The following NHSL2 variants were observed in gnomAD, a reference collection of about 807,000 sequenced individuals.
NHSL2 encodes the protein NHS-like protein 2.
A neutral mutation model predicts 53.4 loss-of-function variants in NHSL2; 27 were observed. The observed-to-expected ratio is 0.51, with a 90% CI of 0.37 to 0.70. The LOEUF is 0.70. Ranked by LOEUF, NHSL2 falls within the 30% of genes least tolerant of loss-of-function variation. The pLI, the probability that NHSL2 is intolerant of heterozygous loss-of-function variation, is 0.00. For missense variants in NHSL2, 892 were observed against 980.1 expected (o/e 0.91, Z 1.20); for synonymous variants, 408 against 404.1 (o/e 1.01, Z -0.12).
chrX:71,988,774 C>A (rs1458526792), intron 1 of NHSL2, among the ~76,000 whole-genome samples: 1 of 111,267 alleles, frequency 9.0e-6, no homozygotes, highest in African/African-American at 3.3e-5. Context: ...AGAGAGAGTT[C>A]TTGGATCTCG....
At chrX:72,094,313 G>A (rs1225146850) in intron 1 of NHSL2, among the ~76,000 whole-genome samples, 4 of 111,352 alleles carry the variant, frequency 3.6e-5, no homozygotes, top group Non-Finnish European at 7.5e-5. Context: ...ACAATTTGAT[G>A]CAATTTATAC....
chrX:71,939,628 T>G (rs764057407), intron 1 of NHSL2, among the ~76,000 whole-genome samples: 1 of 111,961 alleles, frequency 8.9e-6, no homozygotes, highest in African/African-American at 3.2e-5. Context: ...CCTGTCTGGA[T>G]TTTGAATTCC....
At chrX:72,053,017 T>G (rs2042349574) in intron 1 of NHSL2, among the ~76,000 whole-genome samples, 1 of 112,380 alleles carries the variant, frequency 8.9e-6, no homozygotes, top group Non-Finnish European at 1.9e-5. Flanking sequence ...GTGGAAACAT[T>G]TCCTGCTCTT....
At chrX:72,090,360 C>T (rs765478261) in intron 1 of NHSL2, among the ~76,000 whole-genome samples, 22 of 111,626 alleles carry the variant, frequency 2.0e-4, no homozygotes, top group Non-Finnish European at 3.0e-4. Context: ...CCACCGTGCC[C>T]GGCCGTATCT....
At chrX:72,131,972 C>A (rs973097745) in intron 1 of NHSL2, 107 bp from the exon 2 acceptor site, 24 of 777,683 alleles carry the variant, frequency 3.1e-5, no homozygotes, top group Non-Finnish European at 4.3e-5. Flanking sequence ...GCACTCCCCC[C>A]ACCCCACGCA....
rs770779535 is a variant in NHSL2 at position 72,119,779 on chromosome X, T to C, written c.281-12300T>C. 2.7e-5 allele frequency among the ~76,000 whole-genome samples: 3 copies of C among 112,221 alleles called. No individual in the cohort carries two copies. The South Asian group carries it at 1.1e-3, about 41-fold the overall frequency. On this transcript the variant is annotated intron_variant, in intron 1 of 7. Transcript: ENST00000633930. ...ACTGTTCTAGCTAGAACCTCCAGTATAATGTTGAACAGAAGTAGGGAAAGT... is the reference window on the plus strand; with the variant it reads ...ACTGTTCTAGCTAGAACCTCCAGTACAATGTTGAACAGAAGTAGGGAAAGT...
intron 1 of NHSL2, among the ~76,000 whole-genome samples, chrX:72,086,132 G>C (rs2041841295): frequency 9.0e-6 from 1 of 111,701 alleles, no homozygotes; most frequent in African/African-American, 3.3e-5. Flanking sequence ...GTGTTCCAGA[G>C]GAGAAAGATG....
intron 1 of NHSL2, among the ~76,000 whole-genome samples, chrX:72,055,022 G>A (rs2042360831): frequency 9.0e-6 from 1 of 111,606 alleles, no homozygotes; most frequent in African/African-American, 3.3e-5. Flanking sequence ...CCCGTCTCCC[G>A]CTTCCTAACC....
In NHSL2 at chrX:71,930,628, A is replaced by G. The variant is rs7052183; in HGVS notation, c.280+19261A>G. ...TGCCCATTTTGGAAATTTCGTATTA[A>G]TGGAGTCATATAATATGTAGTCTTT... On this transcript the variant is annotated intron_variant, in intron 1 of 7. Coordinates refer to ENST00000633930, the MANE Select transcript of NHSL2 (RefSeq NM_001013627.3). Among the ~76,000 whole-genome samples the G allele has an allele frequency of 2.6e-3, 288 of 112,410 alleles. 1 individual carries two copies. Among genetic ancestry groups the G allele is most frequent in the African/African-American group, 8.2e-3 (254 of 30,957 alleles).
At chrX:72,130,447 C>T (rs755935647) in intron 1 of NHSL2, 7 of 1,205,428 alleles carry the variant, frequency 5.8e-6, no homozygotes, top group South Asian at 5.3e-5. Context: ...AGCCCTCATG[C>T]GCTTCCTCTG....
At chrX:72,039,472 G>A (rs747877329) in intron 1 of NHSL2, among the ~76,000 whole-genome samples, 35 of 111,684 alleles carry the variant, frequency 3.1e-4, no homozygotes, top group South Asian at 3.0e-3. Context: ...TGAAGCATTT[G>A]AGAAAGTCTA....
chrX:71,977,750 A>G (rs983342211), intron 1 of NHSL2, among the ~76,000 whole-genome samples: 14 of 111,873 alleles, frequency 1.3e-4, no homozygotes, highest in Admixed American at 3.8e-4. Flanking sequence ...AAAAACCAAG[A>G]CCATGGCCGC....
At chrX:72,120,212 C>T (rs763504490) in intron 1 of NHSL2, among the ~76,000 whole-genome samples, 20 of 111,985 alleles carry the variant, frequency 1.8e-4, no homozygotes, top group Non-Finnish European at 3.0e-4. Flanking sequence ...TAATACAGGC[C>T]TCATAGAATG....
At chrX:72,134,428 C>A in intron 3 of NHSL2, 81 bp from the exon 4 acceptor site, 1 of 917,234 alleles carries the variant, frequency 1.1e-6, no homozygotes, top group Non-Finnish European at 1.5e-6. Context: ...CTCCAACTAC[C>A]CAGCCTAAAC....
chrX:72,087,160 G>C (rs772499396), intron 1 of NHSL2, among the ~76,000 whole-genome samples: 4 of 112,316 alleles, frequency 3.6e-5, no homozygotes, highest in Non-Finnish European at 5.6e-5. Flanking sequence ...CCATAAAGTG[G>C]AATATTATAC....
intron 1 of NHSL2, among the ~76,000 whole-genome samples, chrX:72,026,048 A>G (rs1350062847): frequency 8.9e-6 from 1 of 112,264 alleles, no homozygotes; most frequent in Non-Finnish European, 1.9e-5. Context: ...TTTTCTCCTA[A>G]GAGAGTAATG....
At chrX:71,986,546 A>G (rs529999695) in intron 1 of NHSL2, among the ~76,000 whole-genome samples, 1 of 112,263 alleles carries the variant, frequency 8.9e-6, no homozygotes, top group African/African-American at 3.2e-5. Flanking sequence ...TTTTCATATT[A>G]TGTAAAAATC....
chrX:71,979,464 G>A (rs1250422009), intron 1 of NHSL2, among the ~76,000 whole-genome samples: 1 of 111,968 alleles, frequency 8.9e-6, no homozygotes, highest in Non-Finnish European at 1.9e-5. Flanking sequence ...TAACTGGTGT[G>A]AGATGGTATC....
rs1384479770 is a variant in NHSL2 at position 72,150,553 on chromosome X, C to T, written c.*6979C>T. 2 of 112,073 alleles carry T rather than the reference C, an allele frequency of 1.8e-5. No homozygotes were observed. Among genetic ancestry groups the T allele is most frequent in the Non-Finnish European group, 3.8e-5 (2 of 53,251 alleles). 9.2% of individuals were successfully genotyped at this position (112,073 alleles called of 1,213,427 possible). A position where few individuals can be genotyped will look rare whatever the true frequency, so the allele number is the denominator to read the frequency against. ...TCTGTCAATCCCTGGGCTCAAATTC[C>T]AGCTCCATCTTATCAAACAATAACA... On this transcript the variant is annotated 3_prime_UTR_variant, in exon 8 of 8. Coordinates refer to ENST00000633930, the MANE Select transcript of NHSL2 (RefSeq NM_001013627.3).
Sources: gnomAD v4.1 joint callset for allele counts (sites outside exome capture counted in the v4.1 genomes callset) on GRCh38, gnomAD v4.1.1 for gene constraint, MANE v1.5 for transcripts, NCBI Gene and HGNC (gene_info 2026-07-23, HGNC 2026-07-21) for gene names.